ORC2: variants seen among roughly 807,000 people sequenced by gnomAD.
ORC2 encodes the protein origin recognition complex protein 2 homolog.
ORC2 carries 37 observed loss-of-function variants against 77.7 expected under a neutral mutation model. That is an observed-to-expected ratio of 0.48 (90% CI 0.37 to 0.63). ORC2 has a LOEUF of 0.63. Among genes scored for constraint, ORC2 ranks in the 20% least tolerant of loss-of-function variants. ORC2 has a pLI of 0.00. For missense variants in ORC2, 557 were observed against 661.9 expected (o/e 0.84, Z 1.74); for synonymous variants, 201 against 229.5 (o/e 0.88, Z 1.12).
At chr2:200,914,072 G>C in intron 15 of ORC2, 80 bp from the exon 16 acceptor site, 1 of 851,270 alleles carries the variant, frequency 1.2e-6, no homozygotes, top group Non-Finnish European at 1.8e-6. Flanking sequence ...AATACACAAA[G>C]AAAATGTCAA....
rs16836091 is a variant in ORC2, at chr2:200,940,856, A to G, written c.453+392T>C. On this transcript the variant is annotated intron_variant, in intron 7 of 17. Transcript: ENST00000234296. ...CCCACAAAGGAGGAGATAAAAATAT[A>G]GAGTAATGGATCTAATGCATCTTGG... Among the ~76,000 whole-genome samples the G allele has an allele frequency of 2.4e-3, 360 of 152,300 alleles. 1 individual carries two copies. Among genetic ancestry groups the G allele is most frequent in the African/African-American group, 8.0e-3 (331 of 41,570 alleles).
chr2:200,957,531 C>T lies in ORC2; in HGVS notation c.108G>A (p.Lys36=), dbSNP rs1167947530. 1 of 1,603,434 alleles carries T rather than the reference C, an allele frequency of 6.2e-7. No homozygotes were observed. The highest frequency in any genetic ancestry group is 2.3e-5 in the East Asian group (1 of 44,288). Residue 36 remains lysine, a synonymous_variant, in exon 4 of 18, where the codon AAG becomes AAA. Coordinates refer to ENST00000234296, the MANE Select transcript of ORC2 (RefSeq NM_006190.5). ...ILDREGGAKL[K]KERAQLLVNP... is the part of the protein sequence containing the mutation. ...TGACCAAAAGCTGCGCTCGCTCCTTCTTCAATTTAGCTCCTATAAGAACAT... is the reference window on the plus strand; with the variant it reads ...TGACCAAAAGCTGCGCTCGCTCCTTTTTCAATTTAGCTCCTATAAGAACAT...
At chr2:200,919,229 A>AT (rs2040714249) in intron 15 of ORC2, among the ~76,000 whole-genome samples, 2 of 152,214 alleles carry the variant, frequency 1.3e-5, no homozygotes, top group African/African-American at 4.8e-5. Context: ...CCAGCTCTTA[A>AT]TTATCTATTC....
At chr2:200,953,424 TTTA>T (rs758776885) in intron 4 of ORC2, among the ~76,000 whole-genome samples, 29 of 139,126 alleles carry the variant, frequency 2.1e-4, no homozygotes, top group Admixed American at 5.5e-4. Flanking sequence ...TTTTTTTTTT[TTTA>T]AAAAAGGAAA....
intron 4 of ORC2, among the ~76,000 whole-genome samples, chr2:200,954,533 TG>T (rs1314572823): frequency 2.6e-5 from 4 of 152,196 alleles, no homozygotes; most frequent in Admixed American, 6.5e-5. Flanking sequence ...TGCCCATGCA[TG>T]TATGAACAGA....
chr2:200,941,288 T>C lies in ORC2; in HGVS notation c.422-9A>G, dbSNP rs1559017318. 1.9e-6 allele frequency: 3 copies of C among 1,607,654 alleles called. No homozygotes were observed. Among genetic ancestry groups the C allele is most frequent in the Middle Eastern group, 1.7e-4 (1 of 6,044 alleles). On this transcript the variant is annotated splice_polypyrimidine_tract_variant and intron_variant, in intron 6 of 17. Transcript: ENST00000234296. ...GTCTGAAGCAGAATGGCCTAAAGAA[T>C]GAAACAAAAAGCCATGACTTACTAC...
At chr2:200,942,810 A>G in intron 5 of ORC2, 33 bp from the exon 6 acceptor site, 1 of 1,343,018 alleles carries the variant, frequency 7.4e-7, no homozygotes, top group South Asian at 1.2e-5. Flanking sequence ...AAACCTTTTA[A>G]AGGACAACAG....
chr2:200,911,357 G>T lies in ORC2; in HGVS notation c.1678C>A (p.Pro560Thr), dbSNP rs749846344. Residue 560 changes from proline (P) to threonine (T), a missense_variant, in exon 18 of 18, where the codon CCT becomes ACT. Pro to Thr is a conservative substitution (Grantham distance 38, BLOSUM62 -1). Transcript: ENST00000234296. Reference protein sequence around the residue: ...GTDGVEYLLIPVDNGTLTDFL... With the variant: ...GTDGVEYLLITVDNGTLTDFL... Reference sequence around the variant, plus strand: ...TCAGTCAATGTTCCATTATCAACAGGAATTAATAAATACTCTACTCCATCA... The same window carrying T: ...TCAGTCAATGTTCCATTATCAACAGTAATTAATAAATACTCTACTCCATCA... The T allele has an allele frequency of 5.0e-6, 8 of 1,604,688 alleles. No homozygotes were observed. The Admixed American group carries it at 6.7e-5, about 13-fold the overall frequency.
intron 5 of ORC2, among the ~76,000 whole-genome samples, chr2:200,946,799 T>G (rs1214163797): frequency 6.6e-6 from 1 of 152,218 alleles, no homozygotes; most frequent in Middle Eastern, 3.2e-3. Context: ...GGTTTCATTT[T>G]GGTCTTGCTG....
chr2:200,937,091 G>A (rs1208475500), intron 8 of ORC2, among the ~76,000 whole-genome samples: 1 of 152,158 alleles, frequency 6.6e-6, no homozygotes, highest in Non-Finnish European at 1.5e-5. Flanking sequence ...ACAGTTAGAA[G>A]TGGTGGCAGG....
At chr2:200,945,529 C>A (rs2041234588) in intron 5 of ORC2, among the ~76,000 whole-genome samples, 1 of 151,878 alleles carries the variant, frequency 6.6e-6, no homozygotes, top group Non-Finnish European at 1.5e-5. Context: ...AAGATTACAC[C>A]ACACGTTCCA....
chr2:200,918,315 T>C (rs1575152345), intron 15 of ORC2, among the ~76,000 whole-genome samples: 1 of 152,170 alleles, frequency 6.6e-6, no homozygotes, highest in African/African-American at 2.4e-5. Flanking sequence ...AGCCAGGGTA[T>C]TTATTTTTAA....
At chr2:200,924,339 T>C (rs981733837) in intron 13 of ORC2, among the ~76,000 whole-genome samples, 2 of 151,312 alleles carry the variant, frequency 1.3e-5, no homozygotes, top group African/African-American at 2.4e-5. Flanking sequence ...AGAGCAAGAC[T>C]GTGTTAAAAA....
intron 1 of ORC2, among the ~76,000 whole-genome samples, chr2:200,959,769 GAT>G (rs2041536089): frequency 6.6e-6 from 1 of 152,084 alleles, no homozygotes; most frequent in Admixed American, 6.5e-5. Flanking sequence ...TGTGTATAAA[GAT>G]AATAAATAGT....
At chr2:200,916,333 A>T (rs1449383559) in intron 15 of ORC2, among the ~76,000 whole-genome samples, 1 of 151,990 alleles carries the variant, frequency 6.6e-6, no homozygotes, top group African/African-American at 2.4e-5. Context: ...AAATACAAAA[A>T]TTAGCCAGGT....
intron 2 of ORC2, among the ~76,000 whole-genome samples, chr2:200,958,462 A>C (rs2041513774): frequency 6.6e-6 from 1 of 152,202 alleles, no homozygotes; most frequent in Non-Finnish European, 1.5e-5. Context: ...AATCCAGATA[A>C]GCACATTAAC....
Position 200,957,407 on chromosome 2 carries a change from C to A in ORC2, c.232G>T (p.Val78Phe), listed in dbSNP as rs2041488524. Reference protein sequence around the residue: ...QNYVEIMGRDVQESLKNGSAT... With the variant: ...QNYVEIMGRDFQESLKNGSAT... Reference sequence around the variant, plus strand: ...ATTTCACCCCCTCAAATACCTTGAACATCTCTTCCCATAATTTCCACATAG... The same window carrying A: ...ATTTCACCCCCTCAAATACCTTGAAAATCTCTTCCCATAATTTCCACATAG... The change falls in exon 4 of 18, where the codon GTT becomes TTT. Residue 78 changes from valine (V) to phenylalanine (F), a missense_variant. Val to Phe is a conservative substitution (Grantham distance 50). Transcript: ENST00000234296. 6.3e-7 allele frequency: 1 copy of A among 1,590,250 alleles called. No individual in the cohort carries two copies. The highest frequency in any genetic ancestry group is 1.4e-5 in the African/African-American group (1 of 73,582).
At chr2:200,930,036 A>T (rs2040911685) in intron 11 of ORC2, among the ~76,000 whole-genome samples, 1 of 152,130 alleles carries the variant, frequency 6.6e-6, no homozygotes, top group South Asian at 2.1e-4. Flanking sequence ...TAACAGTTAC[A>T]TGAGTCATTC....
At chr2:200,926,694 C>G in intron 12 of ORC2, 74 bp downstream of exon 12, 1 of 1,470,928 alleles carries the variant, frequency 6.8e-7, no homozygotes, top group Non-Finnish European at 9.4e-7. Context: ...CTTTAATACT[C>G]CATCCTCATT....
Sources: allele counts gnomAD v4.1 joint callset (sites outside exome capture counted in the v4.1 genomes callset), GRCh38; gene constraint gnomAD v4.1.1; transcripts MANE v1.5; gene names NCBI Gene and HGNC (gene_info 2026-07-23, HGNC 2026-07-21).